Variants in NFIB observed in about 807,000 individuals in gnomAD.
The protein encoded by NFIB is nuclear factor 1 B-type.
A neutral mutation model predicts 61.5 loss-of-function variants in NFIB; 11 were observed. The observed-to-expected ratio is 0.18, with a 90% CI of 0.11 to 0.30. The LOEUF (loss-of-function observed/expected upper bound fraction) is 0.30, where lower values mean the gene tolerates loss of function less well. Ranked by LOEUF, NFIB falls within the 10% of genes least tolerant of loss-of-function variation. NFIB has a pLI of 1.00. For missense variants in NFIB, 471 were observed against 608.9 expected (o/e 0.77, Z 2.38); for synonymous variants, 260 against 216.5 (o/e 1.20, Z -1.76).
intron 2 of NFIB, among the ~76,000 whole-genome samples, chr9:14,187,023 G>GTA (rs1554666382): frequency 7.6e-4 from 9 of 11,800 alleles, no homozygotes; most frequent in East Asian, 5.9e-3. Context: ...GTGTGTGTGT[G>GTA]TGTATGTGTG....
At position 14,134,897 on chromosome 9, in the gene NFIB, C is replaced by CAAAAA. The variant is rs57014530; in HGVS notation, c.926-9136_926-9132dup. Among the ~76,000 whole-genome samples, 149 of 64,308 alleles carry CAAAAA rather than the reference C, an allele frequency of 2.3e-3. 5 individuals carry two copies. Among genetic ancestry groups the CAAAAA allele is most frequent in the African/African-American group, 6.3e-3 (136 of 21,536 alleles). The allele number at this position is 64,308 out of a possible 152,430, so 42.2% of individuals were successfully genotyped here. ...TGGGTGACAGGGCGAGACTCTGTCT[C>CAAAAA]AAAAAAAAAAAAAAAAAAAAAAAGG... is the stretch of plus-strand genomic sequence containing the variant. On this transcript the variant is annotated intron_variant, in intron 6 of 10. Coordinates refer to ENST00000380953, the MANE Select transcript of NFIB (RefSeq NM_001190737.2).
chr9:14,473,254 A>C, the NFIB span, among the ~76,000 whole-genome samples: 7 of 152,244 alleles, frequency 4.6e-5, no homozygotes. Context: ...AATGTTATAC[A>C]TACAACCTTT....
the NFIB span, among the ~76,000 whole-genome samples, chr9:14,404,136 G>A: frequency 3.3e-5 from 5 of 152,098 alleles, no homozygotes; most frequent in Admixed American, 1.3e-4. Flanking sequence ...TCAGAAACTA[G>A]GCAGGAGACA....
intron 1 of NFIB, among the ~76,000 whole-genome samples, chr9:14,351,652 T>A (rs999319555): frequency 2.6e-5 from 4 of 152,244 alleles, no homozygotes; most frequent in African/African-American, 7.2e-5. Context: ...CTATCCTAGA[T>A]GACAACTTCT....
chr9:14,356,333 G>A (rs976219339), intron 1 of NFIB, among the ~76,000 whole-genome samples: 2 of 152,078 alleles, frequency 1.3e-5, no homozygotes, highest in African/African-American at 2.4e-5. Flanking sequence ...GTGTGGCTCG[G>A]ACCAAGATTT....
intron 2 of NFIB, among the ~76,000 whole-genome samples, chr9:14,184,791 C>G (rs752888484): frequency 6.6e-6 from 1 of 152,076 alleles, no homozygotes; most frequent in African/African-American, 2.4e-5. Context: ...GAGGCTGAGG[C>G]AGGCAGATTA....
At chr9:14,414,745 C>T in the NFIB span, among the ~76,000 whole-genome samples, 1 of 151,906 alleles carries the variant, frequency 6.6e-6, no homozygotes, top group Non-Finnish European at 1.5e-5. Context: ...GGGAAAATAG[C>T]TTTTATTTAA....
At chr9:14,427,937 G>GTTTTTTTTTTTTTTTGTTT in the NFIB span, among the ~76,000 whole-genome samples, 2 of 43,384 alleles carry the variant, frequency 4.6e-5, no homozygotes, top group African/African-American at 1.6e-4. Flanking sequence ...TAATTCAGTT[G>GTTTTTTTTTTTTTTTGTTT]TTTTTTTTTT....
At chr9:14,235,081 G>C (rs905292068) in intron 2 of NFIB, among the ~76,000 whole-genome samples, 2 of 152,124 alleles carry the variant, frequency 1.3e-5, no homozygotes, top group Non-Finnish European at 2.9e-5. Flanking sequence ...TATGCCTATA[G>C]AGGATAATGA....
the NFIB span, among the ~76,000 whole-genome samples, chr9:14,520,987 G>A: frequency 6.6e-6 from 1 of 152,140 alleles, no homozygotes; most frequent in Non-Finnish European, 1.5e-5. Flanking sequence ...CATCCATCTG[G>A]TTCTTTGGAT....
the NFIB span, among the ~76,000 whole-genome samples, chr9:14,525,932 G>A: frequency 6.6e-6 from 1 of 152,084 alleles, no homozygotes; most frequent in Non-Finnish European, 1.5e-5. Context: ...TAGCCCCCTT[G>A]GATATGTGTC....
intron 1 of NFIB, among the ~76,000 whole-genome samples, chr9:14,396,063 G>C (rs1173820157): frequency 6.6e-6 from 1 of 152,032 alleles, no homozygotes; most frequent in Non-Finnish European, 1.5e-5. Flanking sequence ...GAACCCAGAG[G>C]CTTTTGCAGC....
At chr9:14,516,238 G>A in the NFIB span, among the ~76,000 whole-genome samples, 1 of 152,190 alleles carries the variant, frequency 6.6e-6, no homozygotes, top group East Asian at 1.9e-4. Flanking sequence ...ACCAGGAGGT[G>A]GGGGTTGAAT....
At chr9:14,278,853 A>G (rs1334200265) in intron 2 of NFIB, among the ~76,000 whole-genome samples, 1 of 152,182 alleles carries the variant, frequency 6.6e-6, no homozygotes, top group Non-Finnish European at 1.5e-5. Flanking sequence ...CACGCTACTT[A>G]TAAACTACAG....
At chr9:14,117,547 A>G (rs1157348504) in intron 8 of NFIB, among the ~76,000 whole-genome samples, 2 of 152,172 alleles carry the variant, frequency 1.3e-5, no homozygotes, top group Non-Finnish European at 2.9e-5. Flanking sequence ...AATTACAAGT[A>G]GACATTTATT....
chr9:14,469,794 G>A, the NFIB span, among the ~76,000 whole-genome samples: 1 of 152,064 alleles, frequency 6.6e-6, no homozygotes, highest in Admixed American at 6.5e-5. Flanking sequence ...TGCCTGGGGA[G>A]GTCTCCAACT....
intron 3 of NFIB, among the ~76,000 whole-genome samples, chr9:14,170,972 T>G: frequency 6.6e-6 from 1 of 152,198 alleles, no homozygotes; most frequent in East Asian, 1.9e-4. Context: ...TGACACCATT[T>G]CAGATAACAC....
At chr9:14,418,506 A>G in the NFIB span, among the ~76,000 whole-genome samples, 4 of 152,142 alleles carry the variant, frequency 2.6e-5, no homozygotes, top group African/African-American at 9.7e-5. Context: ...ACCAGGGTGA[A>G]AAGAGTAGGG....
intron 2 of NFIB, among the ~76,000 whole-genome samples, chr9:14,222,503 T>G (rs991190903): frequency 6.6e-6 from 1 of 152,152 alleles, no homozygotes; most frequent in Admixed American, 6.5e-5. Context: ...TCATTAAGTT[T>G]AGAAATCTGC....
Sources: gnomAD v4.1 joint callset for allele counts (sites outside exome capture counted in the v4.1 genomes callset) on GRCh38, gnomAD v4.1.1 for gene constraint, MANE v1.5 for transcripts, NCBI Gene and HGNC (gene_info 2026-07-23, HGNC 2026-07-21) for gene names.